SLC13A1: variants seen among roughly 807,000 people sequenced by gnomAD.
The protein encoded by SLC13A1 is solute carrier family 13 member 1.
In SLC13A1, 65 loss-of-function variants were observed where a neutral mutation model predicts 70.0. The observed-to-expected ratio is 0.93, with a 90% CI of 0.76 to 1.14. The LOEUF (loss-of-function observed/expected upper bound fraction) is 1.14, where lower values mean the gene tolerates loss of function less well. Ranked by LOEUF, SLC13A1 falls within the 50% of genes most tolerant of loss-of-function variation. SLC13A1 has a pLI of 0.00. For synonymous variants in SLC13A1, 275 were observed against 250.5 expected, an observed-to-expected ratio of 1.10 and a Z score of -0.92; for missense variants, 726 against 717.8, an observed-to-expected ratio of 1.01 and a Z score of -0.13.
Position 123,134,548 on chromosome 7 carries a change from A to T in SLC13A1, c.813-19T>A. 3 of 1,610,450 alleles carry T rather than the reference A, an allele frequency of 1.9e-6. No individual in the cohort carries two copies. The highest frequency in any genetic ancestry group is 2.5e-6 in the Non-Finnish European group (3 of 1,178,048). On this transcript the variant is annotated intron_variant, in intron 7 of 14. Coordinates refer to ENST00000194130, the MANE Select transcript of SLC13A1 (RefSeq NM_022444.4). Reference sequence around the variant, plus strand: ...ATAGCGTCTGTGTGAAAACATGGAGACGTGTTCAGGGATGGAGAGACAGGT... The same window carrying T: ...ATAGCGTCTGTGTGAAAACATGGAGTCGTGTTCAGGGATGGAGAGACAGGT...
intron 11 of SLC13A1, among the ~76,000 whole-genome samples, chr7:123,124,290 C>T (rs1438184162): frequency 6.6e-6 from 1 of 152,122 alleles, no homozygotes; most frequent in Non-Finnish European, 1.5e-5. Flanking sequence ...CACTGCCAGA[C>T]CTCAGGGCTT....
chr7:123,182,620 T>C (rs1457934689), intron 1 of SLC13A1, among the ~76,000 whole-genome samples: 1 of 152,102 alleles, frequency 6.6e-6, no homozygotes, highest in Middle Eastern at 3.2e-3. Flanking sequence ...GAGGGTCTGC[T>C]AAAACATCAA....
In SLC13A1 at chr7:123,115,613, C is replaced by T; in HGVS notation, c.1693G>A (p.Val565Ile). 1 of 1,613,876 alleles carries T rather than the reference C, an allele frequency of 6.2e-7. No individual in the cohort carries two copies. Among genetic ancestry groups the T allele is most frequent in the Non-Finnish European group, 8.5e-7 (1 of 1,179,822 alleles). ...ATCCAAGTACATATGCCAAGCATAA[C>T]CACAGCAACACCAACAATGTTGACA... ...LGVNIVGVAV[V>I]MLGICTWIVP... Residue 565 changes from valine (V) to isoleucine (I), a missense_variant, in exon 15 of 15, where the codon GTT (valine) becomes ATT (isoleucine). Transcript: ENST00000194130.
At chr7:123,180,275 A>G (rs1484702670) in intron 2 of SLC13A1, among the ~76,000 whole-genome samples, 1 of 152,114 alleles carries the variant, frequency 6.6e-6, no homozygotes, top group Non-Finnish European at 1.5e-5. Flanking sequence ...GCCTCAAGAG[A>G]GCAATGTTAG....
rs537736933 is a variant in SLC13A1 at position 123,193,535 on chromosome 7, G to A, written c.99+6313C>T. Among the ~76,000 whole-genome samples, 7 of 152,266 alleles carry A rather than the reference G, an allele frequency of 4.6e-5. No homozygotes were observed. The East Asian group carries it at 5.8e-4, about 13-fold the overall frequency. On this transcript the variant is annotated intron_variant, in intron 1 of 14. Transcript: ENST00000194130. ...AGGCATCACCTCAACCTGTGCTTTCGTGATTGCAAATGCAGGAACAATGAC... is the reference window on the plus strand; with the variant it reads ...AGGCATCACCTCAACCTGTGCTTTCATGATTGCAAATGCAGGAACAATGAC...
intron 8 of SLC13A1, 123 bp downstream of exon 8, chr7:123,134,287 G>A: frequency 1.3e-6 from 1 of 788,994 alleles, no homozygotes; most frequent in Non-Finnish European, 2.0e-6. Context: ...TATTAATTTT[G>A]TGAGCAACAA....
intron 7 of SLC13A1, among the ~76,000 whole-genome samples, chr7:123,142,179 C>A (rs1377121275): frequency 6.6e-6 from 1 of 152,274 alleles, no homozygotes; most frequent in East Asian, 1.9e-4. Context: ...CACTCTCCCA[C>A]CCCTTTCCAA....
In SLC13A1 at chr7:123,114,174, T is replaced by A. The variant is rs539015330; in HGVS notation, c.*1344A>T. The A allele has an allele frequency of 1.3e-5, 2 of 151,788 alleles. No individual in the cohort carries two copies. Among genetic ancestry groups the A allele is most frequent in the South Asian group, 4.2e-4 (2 of 4,816 alleles). 9.4% of individuals were successfully genotyped at this position (151,788 alleles called of 1,614,324 possible). On this transcript the variant is annotated 3_prime_UTR_variant, in exon 15 of 15. Transcript: ENST00000194130. ...GCATGAGAATTGCTGTGATATAACATCTGCATCTTTTGCTAACTGTGCACC... is the reference window on the plus strand; with the variant it reads ...GCATGAGAATTGCTGTGATATAACAACTGCATCTTTTGCTAACTGTGCACC...
intron 8 of SLC13A1, among the ~76,000 whole-genome samples, chr7:123,131,384 A>T (rs1793754358): frequency 6.6e-6 from 1 of 152,172 alleles, no homozygotes; most frequent in Non-Finnish European, 1.5e-5. Context: ...TCCACCCAGT[A>T]CATTGCATAT....
At chr7:123,132,122 C>T (rs537664137) in intron 8 of SLC13A1, among the ~76,000 whole-genome samples, 13 of 152,248 alleles carry the variant, frequency 8.5e-5, no homozygotes, top group Admixed American at 6.5e-4. Context: ...CATTGATGCC[C>T]ACCTGCTGAA....
chr7:123,124,913 G>T (rs78049837), intron 11 of SLC13A1, among the ~76,000 whole-genome samples: 1 of 151,828 alleles, frequency 6.6e-6, no homozygotes, highest in Non-Finnish European at 1.5e-5. Flanking sequence ...ATCCTCCTGC[G>T]TTGGCCTCCA....
rs944911311 is a variant in SLC13A1, at chr7:123,147,200, A to G, written c.771T>C (p.Thr257=). ...SSTIGGLTTI[T]GTSTNLIFAE... The stretch of plus-strand genomic sequence containing the variant: ...CAAAGATCAAGTTGGTGGAGGTACC[A>G]GTGATTGTTGTCAGTCCACCAATGG... The change falls in exon 7 of 15, where the codon ACT becomes ACC. Residue 257 remains threonine, a synonymous_variant. Transcript: ENST00000194130. 3 of 1,613,744 alleles carry G rather than the reference A, an allele frequency of 1.9e-6. No homozygotes were observed. The highest frequency in any genetic ancestry group is 2.2e-5 in the South Asian group (2 of 91,076).
chr7:123,157,775 T>C (rs1032414341), intron 6 of SLC13A1, among the ~76,000 whole-genome samples: 3 of 152,160 alleles, frequency 2.0e-5, no homozygotes, highest in African/African-American at 7.2e-5. Context: ...AAGCTGGATT[T>C]AAAATAGGAT....
At chr7:123,115,796 A>C (rs1327983865) in intron 14 of SLC13A1, 141 bp from the exon 15 acceptor site, 5 of 845,548 alleles carry the variant, frequency 5.9e-6, no homozygotes, top group Admixed American at 2.7e-5. Context: ...ATTATACTTT[A>C]AGTTCTAGGG....
At position 123,129,361 on chromosome 7, in the gene SLC13A1, TGTGTGTGTGTG is replaced by T; in HGVS notation, c.1031+11_1031+21del. The stretch of plus-strand genomic sequence containing the variant: ...GTGTGTGTGTGTGTGTGTGTGTGTG[TGTGTGTGTGTG>T]TTTGTCTTACCTTATTGGCCCAAGC... On this transcript the variant is annotated intron_variant, in intron 9 of 14. Coordinates refer to ENST00000194130, the MANE Select transcript of SLC13A1 (RefSeq NM_022444.4). The T allele has an allele frequency of 8.3e-7, 1 of 1,205,758 alleles. No homozygotes were observed. Among genetic ancestry groups the T allele is most frequent in the Non-Finnish European group, 1.2e-6 (1 of 836,292 alleles). The allele number at this position is 1,205,758 out of a possible 1,614,324, so 74.7% of individuals were successfully genotyped here.
At chr7:123,135,528 T>C (rs1462028143) in intron 7 of SLC13A1, among the ~76,000 whole-genome samples, 1 of 152,178 alleles carries the variant, frequency 6.6e-6, no homozygotes, top group Non-Finnish European at 1.5e-5. Flanking sequence ...AGTCATAAAA[T>C]ATGTAGAACT....
At chr7:123,123,039 T>A in intron 12 of SLC13A1, 87 bp downstream of exon 12, 1 of 1,074,988 alleles carries the variant, frequency 9.3e-7, no homozygotes. Context: ...CAGAGTGAAA[T>A]TGAATATGCC....
intron 6 of SLC13A1, among the ~76,000 whole-genome samples, chr7:123,157,871 G>A (rs1216584319): frequency 1.3e-5 from 2 of 151,960 alleles, no homozygotes; most frequent in Non-Finnish European, 2.9e-5. Context: ...AATCATACAA[G>A]AAAATACACA....
At chr7:123,194,109 G>A (rs1321484618) in intron 1 of SLC13A1, among the ~76,000 whole-genome samples, 1 of 152,120 alleles carries the variant, frequency 6.6e-6, no homozygotes, top group Non-Finnish European at 1.5e-5. Flanking sequence ...CCATGTTCTT[G>A]AGATATTTAC....
Sources: gnomAD v4.1 joint callset for allele counts (sites outside exome capture counted in the v4.1 genomes callset) on GRCh38, gnomAD v4.1.1 for gene constraint, MANE v1.5 for transcripts, NCBI Gene and HGNC (gene_info 2026-07-23, HGNC 2026-07-21) for gene names.